Variants in NFASC observed in about 807,000 individuals in gnomAD.
NFASC encodes neurofascin homolog.
A neutral mutation model predicts 147.5 loss-of-function variants in NFASC; 43 were observed. That is an observed-to-expected ratio of 0.29 (90% CI 0.23 to 0.38). The LOEUF is 0.38. Among genes scored for constraint, NFASC ranks in the 10% least tolerant of loss-of-function variants. The probability of loss-of-function intolerance (pLI) is 1.00; values close to 1 mark genes in which losing one functional copy is unlikely to be tolerated. For synonymous variants in NFASC, 622 were observed against 665.5 expected (o/e 0.93, Z 1.01); for missense variants, 1,320 against 1,689.0 (o/e 0.78, Z 3.83).
intron 1 of NFASC, among the ~76,000 whole-genome samples, chr1:204,879,255 A>C (rs2079633435): frequency 6.6e-6 from 1 of 152,348 alleles, no homozygotes; most frequent in East Asian, 1.9e-4. Context: ...TGTGGGACAA[A>C]AAAATAATAG....
At chr1:204,840,288 T>A (rs1210075331) in intron 1 of NFASC, among the ~76,000 whole-genome samples, 2 of 152,198 alleles carry the variant, frequency 1.3e-5, no homozygotes, top group African/African-American at 4.8e-5. Flanking sequence ...TCTTACAATA[T>A]GCTGATACCT....
intron 21 of NFASC, chr1:204,984,101 G>C: frequency 6.2e-7 from 1 of 1,614,116 alleles, no homozygotes; most frequent in Non-Finnish European, 8.5e-7. Flanking sequence ...GTGGAACCGC[G>C]TCTACTCCGA....
intron 1 of NFASC, among the ~76,000 whole-genome samples, chr1:204,873,550 T>C (rs150139719): frequency 2.6e-5 from 4 of 152,330 alleles, no homozygotes; most frequent in Non-Finnish European, 4.4e-5. Flanking sequence ...TGCTGGGGCC[T>C]CTGTTCCTGG....
At chr1:204,976,007 G>A (rs543138791) in intron 15 of NFASC, among the ~76,000 whole-genome samples, 25 of 152,066 alleles carry the variant, frequency 1.6e-4, no homozygotes, top group Middle Eastern at 3.4e-3. Context: ...CCACTGTTCC[G>A]AGCCTCCCTC....
chr1:204,957,932 C>A, intron 8 of NFASC, 106 bp downstream of exon 8: 1 of 1,043,434 alleles, frequency 9.6e-7, no homozygotes, highest in Non-Finnish European at 1.4e-6. Flanking sequence ...GTCCTTGAGG[C>A]TGACCTAGAA....
intron 1 of NFASC, among the ~76,000 whole-genome samples, chr1:204,833,036 A>C (rs983959263): frequency 2.9e-4 from 44 of 152,222 alleles, no homozygotes; most frequent in African/African-American, 9.9e-4. Context: ...CCTGGGAGTT[A>C]ATGGCTGTGC....
intron 1 of NFASC, among the ~76,000 whole-genome samples, chr1:204,886,346 C>A (rs545029535): frequency 2.6e-5 from 4 of 152,296 alleles, no homozygotes; most frequent in African/African-American, 9.6e-5. Flanking sequence ...ATTTACATCT[C>A]ATTTTTGTAA....
intron 28 of NFASC, 44 bp downstream of exon 28, chr1:205,009,732 C>T: frequency 6.3e-7 from 1 of 1,594,884 alleles, no homozygotes; most frequent in African/African-American, 1.3e-5. Context: ...GGGGCACGTC[C>T]ACTTTCCCGT....
At chr1:204,849,086 T>C (rs1402144766) in intron 1 of NFASC, among the ~76,000 whole-genome samples, 3 of 152,214 alleles carry the variant, frequency 2.0e-5, no homozygotes, top group Non-Finnish European at 4.4e-5. Flanking sequence ...CTACCTTCAG[T>C]CTGCTTCTTA....
intron 24 of NFASC, 125 bp downstream of exon 24, chr1:204,991,431 G>C (rs1190498077): frequency 4.8e-6 from 5 of 1,039,074 alleles, no homozygotes; most frequent in Non-Finnish European, 5.8e-6. Context: ...CACCCTTTCA[G>C]TGGTTGGGAA....
intron 1 of NFASC, among the ~76,000 whole-genome samples, chr1:204,836,533 A>G (rs1453071751): frequency 6.6e-6 from 1 of 152,128 alleles, no homozygotes; most frequent in Non-Finnish European, 1.5e-5. Context: ...TACTTTTCCT[A>G]GTCTGTCTGG....
chr1:204,923,147 T>A (rs1199962875), intron 2 of NFASC, among the ~76,000 whole-genome samples: 1 of 152,220 alleles, frequency 6.6e-6, no homozygotes, highest in Non-Finnish European at 1.5e-5. Context: ...TTAGGGTGGC[T>A]CATTCCAAGA....
At chr1:204,929,105 C>G (rs1454544588) in intron 2 of NFASC, among the ~76,000 whole-genome samples, 1 of 152,016 alleles carries the variant, frequency 6.6e-6, no homozygotes, top group Non-Finnish European at 1.5e-5. Flanking sequence ...ACCAGGTGTC[C>G]CCCTCCACCC....
chr1:205,002,380 G>T (rs1223694915), intron 26 of NFASC, among the ~76,000 whole-genome samples: 5 of 152,232 alleles, frequency 3.3e-5, no homozygotes, highest in African/African-American at 1.2e-4. Context: ...AGGGAACGGT[G>T]TCCCCAGCTG....
intron 1 of NFASC, among the ~76,000 whole-genome samples, chr1:204,888,260 C>T (rs1415165699): frequency 2.0e-5 from 3 of 152,188 alleles, no homozygotes. Flanking sequence ...AAGTCTGGAA[C>T]CAATGGGTCA....
chr1:204,972,085 C>T (rs776127837), intron 11 of NFASC, among the ~76,000 whole-genome samples: 1 of 152,168 alleles, frequency 6.6e-6, no homozygotes, highest in African/African-American at 2.4e-5. Context: ...TGAGTGGGGA[C>T]CCGGGCGTGG....
chr1:204,969,104 G>A, intron 10 of NFASC, 122 bp downstream of exon 10: 1 of 845,978 alleles, frequency 1.2e-6, no homozygotes, highest in East Asian at 2.7e-5. Context: ...ACTGCTCAGT[G>A]GCAATGGCGA....
At position 205,018,628 on chromosome 1, in the gene NFASC, G is replaced by A. The variant is rs1336501167; in HGVS notation, c.*2089G>A. The A allele has an allele frequency of 6.5e-6, 1 of 152,684 alleles. No homozygotes were observed. Among genetic ancestry groups the A allele is most frequent in the Non-Finnish European group, 1.5e-5 (1 of 68,088 alleles). The allele number at this position is 152,684 out of a possible 1,614,324, so 9.5% of individuals were successfully genotyped here. On this transcript the variant is annotated 3_prime_UTR_variant, in exon 30 of 30. Transcript: ENST00000339876. ...TGTGAGCTTGGAGGGCCCCTCCCCT[G>A]GATTTCCTCCAACACCTGCTTGGAT...
At position 204,997,148 on chromosome 1, in the gene NFASC, C is replaced by G. The variant is rs1375414944; in HGVS notation, c.2783-22C>G. The stretch of plus-strand genomic sequence containing the variant: ...GCACAGCCAAACCAACCAGACTCGG[C>G]TGTTTTACATTTCCCTCTCAGCTCC... On this transcript the variant is annotated intron_variant, in intron 24 of 29. Coordinates refer to ENST00000339876, the MANE Select transcript of NFASC (RefSeq NM_001005388.3). 3.1e-6 allele frequency: 5 copies of G among 1,597,330 alleles called. No individual in the cohort carries two copies. In the Admixed American group the frequency reaches 8.4e-5, roughly 27 times the overall value.
Sources: allele counts gnomAD v4.1 joint callset (sites outside exome capture counted in the v4.1 genomes callset), GRCh38; gene constraint gnomAD v4.1.1; transcripts MANE v1.5; gene names NCBI Gene and HGNC (gene_info 2026-07-23, HGNC 2026-07-21).